The following CR1L variants were observed in gnomAD, a reference collection of about 807,000 sequenced individuals.
CR1L encodes the protein complement C3b/C4b receptor 1 like, also known as complement component receptor 1-like protein.
CR1L carries 59 observed loss-of-function variants against 62.3 expected under a neutral mutation model. The ratio of observed to expected loss-of-function variants is 0.95; its 90% CI spans 0.77 to 1.18. The LOEUF is 1.18. Among genes scored for constraint, CR1L ranks in the 50% most tolerant of loss-of-function variants. CR1L has a pLI of 0.00. For missense variants in CR1L, 700 were observed against 702.8 expected, an observed-to-expected ratio of 1.00 and a Z score of 0.04; for synonymous variants, 279 against 248.7, an observed-to-expected ratio of 1.12 and a Z score of -1.15.
intron 1 of CR1L, among the ~76,000 whole-genome samples, chr1:207,664,894 A>G (rs1396851035): frequency 6.6e-6 from 1 of 152,250 alleles, no homozygotes; most frequent in Non-Finnish European, 1.5e-5. Flanking sequence ...ATGTCCAGGA[A>G]GTCCTAAGCG....
intron 5 of CR1L, 41 bp downstream of exon 5, chr1:207,694,792 T>G: frequency 6.2e-7 from 1 of 1,611,598 alleles, no homozygotes; most frequent in Non-Finnish European, 8.5e-7. Flanking sequence ...GCCAGTGACA[T>G]GCATTGCTGT....
rs115417495 is a variant in CR1L, at chr1:207,673,526, C to G, written c.98-3863C>G. ...TGATGTGTTAATTGTGCGTATAGCA[C>G]AGAATAAATCAGCTTGCTTTGAATG... On this transcript the variant is annotated intron_variant, in intron 1 of 11. Coordinates refer to ENST00000508064, the MANE Select transcript of CR1L (RefSeq NM_175710.2). Among the ~76,000 whole-genome samples, 489 of 152,232 alleles carry G rather than the reference C, an allele frequency of 3.2e-3. 3 individuals carry two copies. Among genetic ancestry groups the G allele is most frequent in the African/African-American group, 0.011 (476 of 41,526 alleles).
intron 1 of CR1L, among the ~76,000 whole-genome samples, chr1:207,667,541 A>C (rs1663541604): frequency 6.6e-6 from 1 of 152,150 alleles, no homozygotes; most frequent in Non-Finnish European, 1.5e-5. Context: ...AAAGTCCTAA[A>C]CTGCAAGGTA....
At chr1:207,715,333 T>C (rs761644051) in intron 10 of CR1L, 25 of 1,595,596 alleles carry the variant, frequency 1.6e-5, no homozygotes, top group Non-Finnish European at 2.1e-5. Context: ...AAGGCAGGTC[T>C]GCTAGTCATT....
At chr1:207,667,119 C>A (rs564331663) in intron 1 of CR1L, among the ~76,000 whole-genome samples, 4 of 152,372 alleles carry the variant, frequency 2.6e-5, no homozygotes, top group African/African-American at 7.2e-5. Flanking sequence ...ATGCCCACAT[C>A]TTTCTCAGTT....
chr1:207,718,077 A>G (rs1344726076), intron 11 of CR1L, among the ~76,000 whole-genome samples: 1 of 152,256 alleles, frequency 6.6e-6, no homozygotes, highest in Non-Finnish European at 1.5e-5. Flanking sequence ...CAAAAAGTAC[A>G]TGATGATGTA....
intron 1 of CR1L, among the ~76,000 whole-genome samples, chr1:207,645,916 C>A (rs569619992): frequency 1.3e-5 from 2 of 152,268 alleles, no homozygotes; most frequent in East Asian, 3.9e-4. Flanking sequence ...GTGCGGAGTT[C>A]ACTGTGGGCA....
At chr1:207,717,800 A>G in intron 11 of CR1L, 109 bp downstream of exon 11, 2 of 1,326,234 alleles carry the variant, frequency 1.5e-6, no homozygotes, top group Non-Finnish European at 2.1e-6. Flanking sequence ...CTTTGCTGTA[A>G]CTGTCAGAGA....
In CR1L at chr1:207,707,449, G is replaced by T. The variant is rs1217167525; in HGVS notation, c.1329-729G>T. 2.0e-5 allele frequency among the ~76,000 whole-genome samples: 3 copies of T among 152,272 alleles called. No individual in the cohort carries two copies. The East Asian group carries it at 5.8e-4, about 29-fold the overall frequency. ...TCAAGACCAGTCTGGCCAAAGTGGT[G>T]AAACACCATCTCTACTAAAAATACA... On this transcript the variant is annotated intron_variant, in intron 9 of 11. Coordinates refer to ENST00000508064, the MANE Select transcript of CR1L (RefSeq NM_175710.2).
intron 1 of CR1L, among the ~76,000 whole-genome samples, chr1:207,653,438 A>G (rs1663259850): frequency 6.6e-6 from 1 of 152,228 alleles, no homozygotes; most frequent in African/African-American, 2.4e-5. Context: ...AGAGTGTAGT[A>G]ATCATGAGAA....
At position 207,645,325 on chromosome 1, in the gene CR1L, T is replaced by C. The variant is rs201798840; in HGVS notation, c.92T>C (p.Phe31Ser). The change falls in exon 1 of 12, where the codon TTC becomes TCC. Residue 31 changes from phenylalanine (F) to serine (S), a missense_variant. Transcript: ENST00000508064. ...LAALVLLLSS[F>S]SDQCNVPEWL... ...GCCCTGGTGTTGCTGCTGTCCTCCT[T>C]CTCCGGTAGGACCCCGGGGTGGATT... 1.2e-4 allele frequency: 191 copies of C among 1,613,914 alleles called. 1 individual carries two copies. In the East Asian group the frequency reaches 3.8e-3, roughly 32 times the overall value.
chr1:207,655,252 GC>G, intron 1 of CR1L: 2 of 697,856 alleles, frequency 2.9e-6, no homozygotes, highest in South Asian at 3.2e-5. Context: ...GCAGTTTGGA[GC>G]AGTAAGCCCC....
At chr1:207,684,568 G>T (rs1441991611) in intron 4 of CR1L, among the ~76,000 whole-genome samples, 1 of 152,204 alleles carries the variant, frequency 6.6e-6, no homozygotes, top group Non-Finnish European at 1.5e-5. Flanking sequence ...GTAGGAAAAA[G>T]ATGTGTTCAA....
chr1:207,662,402 T>G (rs1571646287), intron 1 of CR1L, among the ~76,000 whole-genome samples: 1 of 152,372 alleles, frequency 6.6e-6, no homozygotes, highest in South Asian at 2.1e-4. Context: ...TCATTTGATC[T>G]TCCATCTCTG....
chr1:207,710,919 A>T (rs1664346984), intron 10 of CR1L: 7 of 931,478 alleles, frequency 7.5e-6, no homozygotes, highest in South Asian at 1.7e-5. Context: ...AAGAAGCATG[A>T]AATTAAGAAT....
At chr1:207,720,180 T>C (rs1416221023) in intron 11 of CR1L, among the ~76,000 whole-genome samples, 2 of 152,220 alleles carry the variant, frequency 1.3e-5, no homozygotes, top group African/African-American at 2.4e-5. Context: ...GAACTCCTTT[T>C]GTCTCTCTGA....
chr1:207,694,400 A>G lies in CR1L; in HGVS notation c.511A>G (p.Ser171Gly). 6.2e-7 allele frequency: 1 copy of G among 1,613,986 alleles called. No individual in the cohort carries two copies. Among genetic ancestry groups the G allele is most frequent in the Non-Finnish European group, 8.5e-7 (1 of 1,179,872 alleles). ...PPTIANGDFT[S>G]ISREYFHYGS... is the part of the protein sequence containing the mutation. Reference sequence around the variant, plus strand: ...CACCATCGCCAATGGAGATTTCACTAGCATCAGCAGAGAGTATTTTCACTA... The same window carrying G: ...CACCATCGCCAATGGAGATTTCACTGGCATCAGCAGAGAGTATTTTCACTA... The change falls in exon 5 of 12, where the codon AGC (serine) becomes GGC (glycine). Residue 171 changes from serine (S) to glycine (G), a missense_variant. Transcript: ENST00000508064.
intron 1 of CR1L, among the ~76,000 whole-genome samples, chr1:207,674,694 T>C (rs1663661902): frequency 1.3e-5 from 2 of 152,218 alleles, no homozygotes; most frequent in Admixed American, 6.5e-5. Flanking sequence ...TGTTGTGACG[T>C]TTACCCTCTC....
intron 3 of CR1L, among the ~76,000 whole-genome samples, chr1:207,680,934 A>G (rs1663785325): frequency 6.6e-6 from 1 of 152,174 alleles, no homozygotes; most frequent in Admixed American, 6.5e-5. Flanking sequence ...TGTAAGTGAT[A>G]CCTTACGTCC....
Sources: allele counts gnomAD v4.1 joint callset (sites outside exome capture counted in the v4.1 genomes callset), GRCh38; gene constraint gnomAD v4.1.1; transcripts MANE v1.5; gene names NCBI Gene and HGNC (gene_info 2026-07-23, HGNC 2026-07-21).